The following CA10 variants were observed in gnomAD, a reference collection of about 807,000 sequenced individuals.
CA10 encodes carbonic anhydrase-related protein 10.
A neutral mutation model predicts 44.2 loss-of-function variants in CA10; 14 were observed. That is an observed-to-expected ratio of 0.32 (90% CI 0.21 to 0.50). CA10 has a LOEUF of 0.50. Ranked by LOEUF, CA10 falls within the 20% of genes least tolerant of loss-of-function variation. The pLI, the probability that CA10 is intolerant of heterozygous loss-of-function variation, is 0.99. For synonymous variants in CA10, 159 were observed against 141.6 expected (o/e 1.12, Z -0.87); for missense variants, 350 against 409.7 (o/e 0.85, Z 1.26).
At chr17:51,827,252 C>G (rs1908046149) in intron 3 of CA10, among the ~76,000 whole-genome samples, 1 of 152,118 alleles carries the variant, frequency 6.6e-6, no homozygotes, top group Non-Finnish European at 1.5e-5. Flanking sequence ...CTACCACCCC[C>G]TTTTATTTTC....
chr17:51,944,661 T>C (rs1044707427), intron 2 of CA10, among the ~76,000 whole-genome samples: 7 of 152,134 alleles, frequency 4.6e-5, no homozygotes, highest in Middle Eastern at 3.4e-3. Flanking sequence ...CTCAAATATA[T>C]AAAACAATGT....
intron 4 of CA10, among the ~76,000 whole-genome samples, chr17:51,717,569 A>C (rs113254156): frequency 0.046 from 2,675 of 58,560 alleles, 258 homozygotes; most frequent in South Asian, 0.063. Flanking sequence ...ATAATATTAC[A>C]TAAATATATA....
intron 3 of CA10, among the ~76,000 whole-genome samples, chr17:51,797,454 C>G (rs956672124): frequency 1.3e-5 from 2 of 152,128 alleles, no homozygotes; most frequent in South Asian, 4.1e-4. Flanking sequence ...CTTGACTATG[C>G]CTACTGACCA....
At chr17:52,075,355 C>G (rs1987791242) in intron 1 of CA10, among the ~76,000 whole-genome samples, 1 of 152,164 alleles carries the variant, frequency 6.6e-6, no homozygotes, top group South Asian at 2.1e-4. Context: ...AGTGGCATTT[C>G]TCTCAATGGT....
chr17:51,737,000 A>T (rs943426350), intron 4 of CA10, among the ~76,000 whole-genome samples: 3 of 152,190 alleles, frequency 2.0e-5, no homozygotes, highest in Non-Finnish European at 2.9e-5. Flanking sequence ...CTGATGCAGA[A>T]TTGAGAGGAA....
rs78617808 is a variant in CA10 at position 52,024,984 on chromosome 17, G to T, written c.136+47335C>A. ...ATATATACACTCCCCCAAAAAGTCAGCTATGACATGACAGAATGCTAGACT... is the reference window on the plus strand; with the variant it reads ...ATATATACACTCCCCCAAAAAGTCATCTATGACATGACAGAATGCTAGACT... On this transcript the variant is annotated intron_variant, in intron 2 of 8. Coordinates refer to ENST00000451037, the MANE Select transcript of CA10 (RefSeq NM_020178.5). 1.9e-3 allele frequency among the ~76,000 whole-genome samples: 292 copies of T among 151,880 alleles called. 9 individuals are homozygous for T. The East Asian group carries it at 0.051, about 27-fold the overall frequency.
At chr17:51,713,987 C>T (rs1475891738) in intron 4 of CA10, among the ~76,000 whole-genome samples, 1 of 152,188 alleles carries the variant, frequency 6.6e-6, no homozygotes, top group African/African-American at 2.4e-5. Context: ...CTTAAATTAA[C>T]TAGAGTGGCT....
intron 3 of CA10, among the ~76,000 whole-genome samples, chr17:51,925,555 A>G (rs1422766369): frequency 6.6e-6 from 1 of 152,218 alleles, no homozygotes; most frequent in Admixed American, 6.5e-5. Context: ...AAAGTTAAAC[A>G]TAGATATGCC....
chr17:51,724,363 G>C (rs1351906449), intron 4 of CA10, among the ~76,000 whole-genome samples: 4 of 152,166 alleles, frequency 2.6e-5, no homozygotes, highest in Non-Finnish European at 5.9e-5. Flanking sequence ...GTCTAGTTGG[G>C]ATATGCACTT....
At chr17:51,895,031 A>AT (rs1229973184) in intron 3 of CA10, among the ~76,000 whole-genome samples, 2 of 152,072 alleles carry the variant, frequency 1.3e-5, no homozygotes, top group East Asian at 1.9e-4. Context: ...TAAAAAATAC[A>AT]TTTTTTGGTA....
chr17:51,741,174 A>T (rs941604828), intron 4 of CA10, among the ~76,000 whole-genome samples: 1 of 152,160 alleles, frequency 6.6e-6, no homozygotes, highest in Non-Finnish European at 1.5e-5. Flanking sequence ...GCAGCCACCT[A>T]TGGGCATGAC....
At chr17:51,679,025 C>T (rs1283576575) in intron 4 of CA10, among the ~76,000 whole-genome samples, 2 of 152,086 alleles carry the variant, frequency 1.3e-5, no homozygotes, top group Admixed American at 1.3e-4. Flanking sequence ...AAAGCAATTG[C>T]ATTTCTTATT....
At position 52,072,342 on chromosome 17, in the gene CA10, A is replaced by G. The variant is rs770678736; in HGVS notation, c.113T>C (p.Val38Ala). Residue 38 changes from valine to alanine, a missense_variant, in exon 2 of 9, where the codon GTG (valine) becomes GCG (alanine). Val to Ala is a moderately conservative substitution (Grantham distance 64). Transcript: ENST00000451037. ...ACCTGGAACAAAGCTTCCCTGGACC[A>G]CCTCCTTGTATGCCCACCAGCCTTC... The part of the protein sequence containing the change: ...IHEGWWAYKE[V>A]VQGSFVPVPS... 6.2e-7 allele frequency: 1 copy of G among 1,612,956 alleles called. No individual in the cohort carries two copies. The highest frequency in any genetic ancestry group is 8.5e-7 in the Non-Finnish European group (1 of 1,179,086).
intron 3 of CA10, among the ~76,000 whole-genome samples, chr17:51,861,097 T>G (rs1327476755): frequency 6.6e-6 from 1 of 152,170 alleles, no homozygotes; most frequent in East Asian, 1.9e-4. Flanking sequence ...ACTAGCAACC[T>G]GCGTTTCTGC....
intron 4 of CA10, among the ~76,000 whole-genome samples, chr17:51,726,486 G>A (rs1333729333): frequency 2.0e-5 from 3 of 152,170 alleles, no homozygotes; most frequent in Non-Finnish European, 4.4e-5. Flanking sequence ...TGATGTACGT[G>A]TTAATTAGAC....
intron 4 of CA10, among the ~76,000 whole-genome samples, chr17:51,730,104 T>C (rs577309619): frequency 2.6e-5 from 4 of 152,304 alleles, no homozygotes; most frequent in South Asian, 2.1e-4. Context: ...ACTCCTATTG[T>C]AGACAGTGCC....
chr17:51,937,031 T>C (rs1293840268), intron 2 of CA10, among the ~76,000 whole-genome samples: 2 of 152,168 alleles, frequency 1.3e-5, no homozygotes, highest in Non-Finnish European at 2.9e-5. Flanking sequence ...AATATTTTCA[T>C]GAAGACACTC....
At chr17:51,975,223 A>T (rs1984421002) in intron 2 of CA10, among the ~76,000 whole-genome samples, 1 of 152,226 alleles carries the variant, frequency 6.6e-6, no homozygotes, top group South Asian at 2.1e-4. Flanking sequence ...TAACAGAGCA[A>T]ACAGAACAAA....
At chr17:51,892,452 G>T (rs1197180406) in intron 3 of CA10, among the ~76,000 whole-genome samples, 1 of 152,184 alleles carries the variant, frequency 6.6e-6, no homozygotes, top group Non-Finnish European at 1.5e-5. Context: ...TTCAGAGAAA[G>T]GTAGAGATAA....
Sources: allele counts gnomAD v4.1 joint callset (sites outside exome capture counted in the v4.1 genomes callset), GRCh38; gene constraint gnomAD v4.1.1; transcripts MANE v1.5; gene names NCBI Gene and HGNC (gene_info 2026-07-23, HGNC 2026-07-21).